The following FBXL16 variants were observed in gnomAD, a reference collection of about 807,000 sequenced individuals.
The protein encoded by FBXL16 is F-box and leucine rich repeat protein 16.
A neutral mutation model predicts 36.7 loss-of-function variants in FBXL16; 7 were observed. The observed-to-expected ratio is 0.19, with a 90% CI of 0.11 to 0.36. FBXL16 has a LOEUF of 0.36. Among genes scored for constraint, FBXL16 ranks in the 10% least tolerant of loss-of-function variants. The probability of loss-of-function intolerance (pLI) is 1.00; values close to 1 mark genes in which losing one functional copy is unlikely to be tolerated. For synonymous variants in FBXL16, 355 were observed against 308.7 expected, an observed-to-expected ratio of 1.15 and a Z score of -1.57; for missense variants, 463 against 659.4, an observed-to-expected ratio of 0.70 and a Z score of 3.26.
At chr16:696,393 A>G (rs1331963675) in intron 2 of FBXL16, among the ~76,000 whole-genome samples, 5 of 152,092 alleles carry the variant, frequency 3.3e-5, no homozygotes. Context: ...CCTCCCAAGT[A>G]GCTGGGACTA....
rs28514415 is a variant in FBXL16, at chr16:704,431, C to T, written c.-15+1081G>A. 3.9e-3 allele frequency among the ~76,000 whole-genome samples: 598 copies of T among 152,320 alleles called. 3 individuals carry two copies. Among genetic ancestry groups the T allele is most frequent in the African/African-American group, 0.013 (558 of 41,572 alleles). On this transcript the variant is annotated intron_variant, in intron 1 of 5. Coordinates refer to ENST00000397621, the MANE Select transcript of FBXL16 (RefSeq NM_153350.4). ...GCAAGTGAGTCCTAGGGTTCCCCCACACAGCGATGTTTGCAGCTGGGCCTT... is the reference window on the plus strand; with the variant it reads ...GCAAGTGAGTCCTAGGGTTCCCCCATACAGCGATGTTTGCAGCTGGGCCTT...
Position 693,723 on chromosome 16 carries a change from C to A in FBXL16, c.*552G>T, listed in dbSNP as rs79265881. ...TGGCGGTGGCCTGTTTCCCCTGACA[C>A]CCCTCGGAGGGCTCCAGGTATGGTG... On this transcript the variant is annotated 3_prime_UTR_variant, in exon 6 of 6. Transcript: ENST00000397621. 1,679 of 153,278 alleles carry A rather than the reference C, an allele frequency of 0.011. 26 individuals carry two copies. The highest frequency in any genetic ancestry group is 0.038 in the African/African-American group (1,572 of 41,514). The allele number at this position is 153,278 out of a possible 1,614,324, so 9.5% of individuals were successfully genotyped here.
chr16:698,519 C>T (rs1206655379), intron 1 of FBXL16, among the ~76,000 whole-genome samples: 1 of 152,212 alleles, frequency 6.6e-6, no homozygotes, highest in Non-Finnish European at 1.5e-5. Context: ...TCTGGGGTGG[C>T]CTCTGGCCCC....
Position 695,634 on chromosome 16 carries a change from G to T in FBXL16, c.923C>A (p.Thr308Asn). ...CACCACGTTGACCACGCCGTGGTTG[G>T]TGATCTCCCAGCAGGAGAGCAGGCG... ...TLRLLSCWEI[T>N]NHGVVNVVHS... The change falls in exon 3 of 6, where the codon ACC becomes AAC. Residue 308 changes from threonine to asparagine, a missense_variant. Thr to Asn is a moderately conservative substitution (Grantham distance 65). Around this residue, in one of 3 missense-constraint regions of FBXL16, gnomAD observed 66 missense variants for 146.3 expected, o/e 0.45. Coordinates refer to ENST00000397621, the MANE Select transcript of FBXL16 (RefSeq NM_153350.4). The T allele has an allele frequency of 6.2e-7, 1 of 1,606,704 alleles. No individual in the cohort carries two copies.
At chr16:703,168 C>T (rs1363260333) in intron 1 of FBXL16, among the ~76,000 whole-genome samples, 1 of 152,194 alleles carries the variant, frequency 6.6e-6, no homozygotes, top group Non-Finnish European at 1.5e-5. Context: ...TCGATGCCTT[C>T]CTGCTGGGCC....
At chr16:699,639 C>G (rs1204649268) in intron 1 of FBXL16, among the ~76,000 whole-genome samples, 1 of 152,190 alleles carries the variant, frequency 6.6e-6, no homozygotes, top group African/African-American at 2.4e-5. Context: ...GCCCCACGGC[C>G]ACACTCCAGG....
rs1419579307 is a variant in FBXL16 at position 693,230 on chromosome 16, G to C, written c.*1045C>G. On this transcript the variant is annotated 3_prime_UTR_variant, in exon 6 of 6. Coordinates refer to ENST00000397621, the MANE Select transcript of FBXL16 (RefSeq NM_153350.4). ...GCCCTCCCTCCTCGGGGTGTCTAGGGTGTGCTGGCCACTGGAAGATTGGAG... is the reference window on the plus strand; with the variant it reads ...GCCCTCCCTCCTCGGGGTGTCTAGGCTGTGCTGGCCACTGGAAGATTGGAG... 1 of 152,342 alleles carries C rather than the reference G, an allele frequency of 6.6e-6. No homozygotes were observed. The highest frequency in any genetic ancestry group is 2.4e-5 in the African/African-American group (1 of 41,444). 9.4% of individuals were successfully genotyped at this position (152,342 alleles called of 1,614,324 possible). A position where few individuals can be genotyped will look rare whatever the true frequency, so the allele number is the denominator to read the frequency against.
At chr16:696,464 A>T (rs1392872994) in intron 2 of FBXL16, among the ~76,000 whole-genome samples, 1 of 152,238 alleles carries the variant, frequency 6.6e-6, no homozygotes. Flanking sequence ...GAGTTTCACC[A>T]TGTTGACCAG....
At chr16:701,072 G>A (rs1226304308) in intron 1 of FBXL16, among the ~76,000 whole-genome samples, 1 of 152,174 alleles carries the variant, frequency 6.6e-6, no homozygotes, top group African/African-American at 2.4e-5. Context: ...GGCTGGGGGA[G>A]GCATTCGCGG....
intron 1 of FBXL16, among the ~76,000 whole-genome samples, chr16:699,461 T>C (rs1031473504): frequency 1.3e-5 from 2 of 152,142 alleles, no homozygotes; most frequent in African/African-American, 4.8e-5. Flanking sequence ...GGACTTGAAA[T>C]GGGCCCCACC....
rs1374069744 is a variant in FBXL16, at chr16:705,622, G to C, written c.-125C>G. On this transcript the variant is annotated 5_prime_UTR_variant, in exon 1 of 6. Coordinates refer to ENST00000397621, the MANE Select transcript of FBXL16 (RefSeq NM_153350.4). ...GGGCCGCCGGGGTGCTGGACTGGCC[G>C]GCAGGGCCCGGCCGCGCCCTGCGCC... 3 of 149,160 alleles carry C rather than the reference G, an allele frequency of 2.0e-5. No individual in the cohort carries two copies. The highest frequency in any genetic ancestry group is 2.1e-4 in the South Asian group (1 of 4,814). The allele number at this position is 149,160 out of a possible 1,614,324, so 9.2% of individuals were successfully genotyped here.
chr16:694,807 C>T, intron 4 of FBXL16, 110 bp from the exon 5 acceptor site: 1 of 1,345,830 alleles, frequency 7.4e-7, no homozygotes, highest in African/African-American at 1.5e-5. Context: ...CCTCCGTCCC[C>T]CCCGGAGCCG....
rs79465812 is a variant in FBXL16 at position 693,732 on chromosome 16, G to A, written c.*543C>T. 1,789 of 153,238 alleles carry A rather than the reference G, an allele frequency of 0.012. 29 individuals are homozygous for A. Among genetic ancestry groups the A allele is most frequent in the African/African-American group, 0.033 (1,357 of 41,538 alleles). The allele number at this position is 153,238 out of a possible 1,614,324, so 9.5% of individuals were successfully genotyped here. ...CCTGTTTCCCCTGACACCCCTCGGA[G>A]GGCTCCAGGTATGGTGCGGTGGAAG... On this transcript the variant is annotated 3_prime_UTR_variant, in exon 6 of 6. Transcript: ENST00000397621.
In FBXL16 at chr16:704,958, G is replaced by T. The variant is rs117412289; in HGVS notation, c.-15+554C>A. Among the ~76,000 whole-genome samples, 803 of 152,314 alleles carry T rather than the reference G, an allele frequency of 5.3e-3. 19 individuals carry two copies. The South Asian group carries it at 0.082, about 16-fold the overall frequency. ...GGTCTGAAGGTGCCGTTTCCCTTCT[G>T]AGGCCCTCCAACCTTGGCCAAGGCC... On this transcript the variant is annotated intron_variant, in intron 1 of 5. Coordinates refer to ENST00000397621, the MANE Select transcript of FBXL16 (RefSeq NM_153350.4).
At chr16:704,638 G>A (rs2040078407) in intron 1 of FBXL16, among the ~76,000 whole-genome samples, 1 of 152,244 alleles carries the variant, frequency 6.6e-6, no homozygotes, top group Non-Finnish European at 1.5e-5. Context: ...GGGGTGGGCT[G>A]GGAGACGGCC....
Position 701,982 on chromosome 16 carries a change from T to G in FBXL16, c.-15+3530A>C, listed in dbSNP as rs1021282534. Reference sequence around the variant, plus strand: ...GGGAGCTGCTGGGGAGAGGTGGCCGTGGCCTCTGTGTCCTCCCCAGGGGAC... The same window carrying G: ...GGGAGCTGCTGGGGAGAGGTGGCCGGGGCCTCTGTGTCCTCCCCAGGGGAC... On this transcript the variant is annotated intron_variant, in intron 1 of 5. Transcript: ENST00000397621. Among the ~76,000 whole-genome samples, 24 of 152,252 alleles carry G rather than the reference T, an allele frequency of 1.6e-4. 1 individual carries two copies. The highest frequency in any genetic ancestry group is 3.4e-3 in the Middle Eastern group (1 of 294).
chr16:703,118 C>A (rs2040068702), intron 1 of FBXL16, among the ~76,000 whole-genome samples: 1 of 152,202 alleles, frequency 6.6e-6, no homozygotes, highest in South Asian at 2.1e-4. Flanking sequence ...AGGTGTACCT[C>A]ACAGGGTCCT....
chr16:701,867 C>A (rs1299910597), intron 1 of FBXL16, among the ~76,000 whole-genome samples: 1 of 152,204 alleles, frequency 6.6e-6, no homozygotes. Flanking sequence ...GAAGTGGAAT[C>A]CTGTCAAGGC....
Position 697,024 on chromosome 16 carries a change from G to C in FBXL16, c.382C>G (p.Leu128Val), listed in dbSNP as rs746355172. 6.3e-7 allele frequency: 1 copy of C among 1,597,938 alleles called. No individual in the cohort carries two copies. Among genetic ancestry groups the C allele is most frequent in the Non-Finnish European group, 8.5e-7 (1 of 1,172,106 alleles). Residue 128 changes from leucine to valine, a missense_variant, in exon 2 of 6, where the codon CTG (leucine) becomes GTG (valine). By Grantham distance (32) the Leu-to-Val change is conservative. This residue lies in a region of FBXL16 where 263 missense variants were observed against 341.1 expected (regional missense o/e 0.77). Coordinates refer to ENST00000397621, the MANE Select transcript of FBXL16 (RefSeq NM_153350.4). This position sits in a 1 kb window ranked among gnomAD's most constrained non-coding sequence, Gnocchi z 4.6. Reference protein sequence around the residue: ...AQVCKAWRRVLYQPKFWAGLT... With the variant: ...AQVCKAWRRVVYQPKFWAGLT... ...CCTGCCCAGAACTTGGGCTGGTACA[G>C]CACGCGCCGCCAGGCCTTGCACACC...
Sources: allele counts gnomAD v4.1 joint callset (sites outside exome capture counted in the v4.1 genomes callset), GRCh38; gene constraint gnomAD v4.1.1; regional missense constraint gnomAD v4.1.1; non-coding constraint Gnocchi (gnomAD v3.1); transcripts MANE v1.5; gene names NCBI Gene and HGNC (gene_info 2026-07-23, HGNC 2026-07-21).